Variants in GALNT2 observed in about 807,000 individuals in gnomAD.
GALNT2 encodes polypeptide N-acetylgalactosaminyltransferase 2.
GALNT2 carries 31 observed loss-of-function variants against 81.4 expected under a neutral mutation model. That is an observed-to-expected ratio of 0.38 (90% confidence interval 0.29 to 0.51). The LOEUF is 0.51. Among genes scored for constraint, GALNT2 ranks in the 20% least tolerant of loss-of-function variants. GALNT2 has a pLI of 0.87. For missense variants in GALNT2, 629 were observed against 765.7 expected (o/e 0.82, Z 2.11); for synonymous variants, 303 against 287.4 (o/e 1.05, Z -0.55).
chr1:230,228,379 T>C (rs1273066746), intron 3 of GALNT2, among the ~76,000 whole-genome samples: 2 of 151,952 alleles, frequency 1.3e-5, no homozygotes, highest in African/African-American at 4.8e-5. Flanking sequence ...CATGAAGAGT[T>C]ACTGCTGAGC....
At chr1:230,165,373 G>T (rs1016160666) in intron 1 of GALNT2, among the ~76,000 whole-genome samples, 7 of 152,182 alleles carry the variant, frequency 4.6e-5, no homozygotes, top group Non-Finnish European at 8.8e-5. Flanking sequence ...AGAAATTAAC[G>T]TTGTATTGGT....
Position 230,238,124 on chromosome 1 carries a change from G to T in GALNT2, c.607+1399G>T, listed in dbSNP as rs962926710. 5.9e-5 allele frequency among the ~76,000 whole-genome samples: 9 copies of T among 152,290 alleles called. No individual in the cohort carries two copies. The East Asian group carries it at 1.2e-3, about 20-fold the overall frequency. On this transcript the variant is annotated intron_variant, in intron 6 of 15. Transcript: ENST00000366672. ...CTGTAACAATTGAATGAGAAAATATGTGCACACTTGCACACACACTCATGT... is the reference window on the plus strand; with the variant it reads ...CTGTAACAATTGAATGAGAAAATATTTGCACACTTGCACACACACTCATGT...
At chr1:230,123,142 C>T (rs1571987839) in intron 1 of GALNT2, among the ~76,000 whole-genome samples, 1 of 152,198 alleles carries the variant, frequency 6.6e-6, no homozygotes, top group Non-Finnish European at 1.5e-5. Context: ...CTTTTGGCAT[C>T]GTGGTCACAG....
chr1:230,250,214 G>A (rs182276242), intron 9 of GALNT2, among the ~76,000 whole-genome samples: 46 of 152,348 alleles, frequency 3.0e-4, no homozygotes, highest in African/African-American at 1.1e-3. Context: ...GGGAGGCTCA[G>A]TCCAGCCCCT....
chr1:230,167,390 T>C (rs1662643514), intron 1 of GALNT2, among the ~76,000 whole-genome samples: 1 of 152,198 alleles, frequency 6.6e-6, no homozygotes, highest in Non-Finnish European at 1.5e-5. Flanking sequence ...CAAGTTGTCC[T>C]CCCACCTTGG....
intron 1 of GALNT2, among the ~76,000 whole-genome samples, chr1:230,165,707 G>C (rs1341631782): frequency 6.6e-6 from 1 of 152,264 alleles, no homozygotes. Flanking sequence ...TTACAAATAA[G>C]TGGCGCCAGA....
chr1:230,101,879 G>C (rs1416225746), intron 1 of GALNT2, among the ~76,000 whole-genome samples: 1 of 152,238 alleles, frequency 6.6e-6, no homozygotes, highest in Non-Finnish European at 1.5e-5. Context: ...CAGTCCGTAG[G>C]AGAGATTTAG....
At chr1:230,064,778 C>G (rs539887662), upstream of GALNT2, among the ~76,000 whole-genome samples, 2 of 152,310 alleles carry the variant, frequency 1.3e-5, no homozygotes, top group African/African-American at 4.8e-5. Flanking sequence ...TCCCAAAGTG[C>G]TGGGATTACA....
chr1:230,086,575 A>C (rs1045624581), intron 1 of GALNT2, among the ~76,000 whole-genome samples: 18 of 152,088 alleles, frequency 1.2e-4, no homozygotes, highest in African/African-American at 4.3e-4. Context: ...TAAAGTGAGC[A>C]GTTTTTTTTT....
intron 10 of GALNT2, among the ~76,000 whole-genome samples, chr1:230,251,180 G>T (rs1665534544): frequency 6.6e-6 from 1 of 152,120 alleles, no homozygotes; most frequent in Non-Finnish European, 1.5e-5. Context: ...TGTTTTGTTT[G>T]TTTAGGGTTT....
chr1:230,202,060 T>G (rs1474607936), intron 2 of GALNT2, among the ~76,000 whole-genome samples: 1 of 152,218 alleles, frequency 6.6e-6, no homozygotes, highest in African/African-American at 2.4e-5. Flanking sequence ...TGTAGGCCAT[T>G]AAGTCCTCGT....
At chr1:230,079,002 T>G (rs1024243736) in intron 1 of GALNT2, among the ~76,000 whole-genome samples, 1 of 152,156 alleles carries the variant, frequency 6.6e-6, no homozygotes, top group African/African-American at 2.4e-5. Flanking sequence ...ACTACACCCT[T>G]CTCATTTGCC....
In GALNT2 at chr1:230,250,641, A is replaced by T. The variant is rs1485950355; in HGVS notation, c.1009+81A>T. The stretch of plus-strand genomic sequence containing the variant: ...AGGGTGCCAATTGGAAAAAAAATTT[A>T]AAAGGCTTCAGAGTGACCATTCACT... On this transcript the variant is annotated intron_variant, in intron 10 of 15. Coordinates refer to ENST00000366672, the MANE Select transcript of GALNT2 (RefSeq NM_004481.5). 7 of 970,698 alleles carry T rather than the reference A, an allele frequency of 7.2e-6. No homozygotes were observed. In the Admixed American group the frequency reaches 9.6e-5, roughly 13 times the overall value. The allele number at this position is 970,698 out of a possible 1,614,324, so 60.1% of individuals were successfully genotyped here.
Position 230,164,482 on chromosome 1 carries a change from G to A in GALNT2, c.127-13736G>A, listed in dbSNP as rs1187598836. Among the ~76,000 whole-genome samples, 6 of 151,770 alleles carry A rather than the reference G, an allele frequency of 4.0e-5. No individual in the cohort carries two copies. In the South Asian group the frequency reaches 8.3e-4, roughly 21 times the overall value. On this transcript the variant is annotated intron_variant, in intron 1 of 15. Coordinates refer to ENST00000366672, the MANE Select transcript of GALNT2 (RefSeq NM_004481.5). ...AGCCTCTCAGCAGGCTTGGCGGACT[G>A]CATCCGATCATGTGATCTCTTTCTT...
At chr1:230,211,210 G>A (rs1572091785) in intron 3 of GALNT2, among the ~76,000 whole-genome samples, 2 of 152,034 alleles carry the variant, frequency 1.3e-5, no homozygotes, top group South Asian at 2.1e-4. Flanking sequence ...GAGCTGGCCC[G>A]AGCACCCACT....
At chr1:230,117,886 A>G (rs1660892365) in intron 1 of GALNT2, among the ~76,000 whole-genome samples, 1 of 152,206 alleles carries the variant, frequency 6.6e-6, no homozygotes, top group South Asian at 2.1e-4. Context: ...TCTGAAGCAT[A>G]TCAGTGTGAA....
intron 3 of GALNT2, among the ~76,000 whole-genome samples, chr1:230,212,048 C>T (rs1450861247): frequency 6.6e-6 from 1 of 152,094 alleles, no homozygotes; most frequent in Non-Finnish European, 1.5e-5. Flanking sequence ...TAAGGCACCA[C>T]CTTGTATCTA....
chr1:230,127,762 C>T (rs781260305), intron 1 of GALNT2, among the ~76,000 whole-genome samples: 16 of 151,988 alleles, frequency 1.1e-4, no homozygotes, highest in Non-Finnish European at 1.9e-4. Flanking sequence ...GATACGCTCC[C>T]GTGCTCAGTT....
At chr1:230,097,175 C>G (rs1660277200) in intron 1 of GALNT2, among the ~76,000 whole-genome samples, 1 of 152,212 alleles carries the variant, frequency 6.6e-6, no homozygotes, top group African/African-American at 2.4e-5. Context: ...GAGCGGTTTG[C>G]TCAGGAGATA....
Sources: gnomAD v4.1 joint callset for allele counts (sites outside exome capture counted in the v4.1 genomes callset) on GRCh38, gnomAD v4.1.1 for gene constraint, MANE v1.5 for transcripts, NCBI Gene and HGNC (gene_info 2026-07-23, HGNC 2026-07-21) for gene names.